MAF: variants seen among roughly 807,000 people sequenced by gnomAD.
The protein encoded by MAF is MAF bZIP transcription factor, also known as transcription factor Maf.
A neutral mutation model predicts 22.0 loss-of-function variants in MAF; 10 were observed. The observed-to-expected ratio is 0.45, with a 90% CI of 0.28 to 0.77. The LOEUF is 0.77. Ranked by LOEUF, MAF falls within the 30% of genes least tolerant of loss-of-function variation. The probability of loss-of-function intolerance (pLI) is 0.12; values close to 1 mark genes in which losing one functional copy is unlikely to be tolerated. For missense variants in MAF, 544 were observed against 548.4 expected, an observed-to-expected ratio of 0.99 and a Z score of 0.08; for synonymous variants, 337 against 255.8, an observed-to-expected ratio of 1.32 and a Z score of -3.03.
downstream of MAF, among the ~76,000 whole-genome samples, chr16:79,592,217 G>C (rs1205038733): frequency 6.6e-6 from 1 of 152,114 alleles, no homozygotes; most frequent in Admixed American, 6.5e-5. Flanking sequence ...GTTTAGTTTT[G>C]TTTTGTTTCT....
chr16:79,212,910 G>GAAAGAAAGAAA, the MAF span: 2 of 151,958 alleles, frequency 1.3e-5, 1 homozygote, highest in Non-Finnish European at 2.9e-5. Flanking sequence ...TTCTGTTAAA[G>GAAAGAAAGAAA]AAAGAAAAAA....
chr16:79,404,018 C>T, the MAF span, among the ~76,000 whole-genome samples: 12 of 152,248 alleles, frequency 7.9e-5, no homozygotes, highest in South Asian at 2.1e-3. Flanking sequence ...CCATGCATCA[C>T]CACGTATTTC....
the MAF span, among the ~76,000 whole-genome samples, chr16:79,321,645 CTTTTTT>C: frequency 1.1e-5 from 1 of 86,966 alleles, no homozygotes; most frequent in African/African-American, 4.1e-5. Flanking sequence ...TTTTCTTTTT[CTTTTTT>C]TTTTTTTTTT....
At chr16:79,529,679 G>T in the MAF span, among the ~76,000 whole-genome samples, 1 of 152,134 alleles carries the variant, frequency 6.6e-6, no homozygotes, top group Non-Finnish European at 1.5e-5. Flanking sequence ...TATTATTTTA[G>T]GCTGGGCGCG....
the MAF span, among the ~76,000 whole-genome samples, chr16:79,533,648 C>A: frequency 6.6e-6 from 1 of 152,074 alleles, no homozygotes; most frequent in Admixed American, 6.6e-5. Context: ...ATTCCAGAAA[C>A]TGAAGGAGAA....
chr16:79,296,783 T>C, the MAF span, among the ~76,000 whole-genome samples: 1 of 152,274 alleles, frequency 6.6e-6, no homozygotes, highest in East Asian at 1.9e-4. Flanking sequence ...ACACTCTGCC[T>C]ATTTTCTCTT....
chr16:79,517,028 A>AT, the MAF span, among the ~76,000 whole-genome samples: 31 of 149,288 alleles, frequency 2.1e-4, no homozygotes, highest in East Asian at 1.2e-3. Flanking sequence ...AAGTTTTTTT[A>AT]TTTTTTTTTT....
chr16:79,251,827 G>A, the MAF span, among the ~76,000 whole-genome samples: 1 of 152,160 alleles, frequency 6.6e-6, no homozygotes, highest in Non-Finnish European at 1.5e-5. Context: ...GGGTTTAGAC[G>A]TAATCTTCAT....
chr16:79,305,811 G>A, the MAF span, among the ~76,000 whole-genome samples: 19 of 152,146 alleles, frequency 1.2e-4, no homozygotes, highest in African/African-American at 3.6e-4. Context: ...TACGAAATAG[G>A]GATTCAAGGC....
the MAF span, among the ~76,000 whole-genome samples, chr16:79,389,008 C>A: frequency 2.0e-5 from 3 of 152,068 alleles, no homozygotes; most frequent in Non-Finnish European, 2.9e-5. Context: ...TTCCAGGGCA[C>A]GAAATATGAA....
the MAF span, among the ~76,000 whole-genome samples, chr16:79,437,630 G>A: frequency 1.3e-5 from 2 of 152,002 alleles, no homozygotes; most frequent in African/African-American, 2.4e-5. Flanking sequence ...GGACACCTCC[G>A]AGAGCTCATG....
the MAF span, among the ~76,000 whole-genome samples, chr16:79,341,686 T>C: frequency 6.6e-6 from 1 of 152,198 alleles, no homozygotes; most frequent in Non-Finnish European, 1.5e-5. Flanking sequence ...ATTTACATTT[T>C]AACAATATAA....
At chr16:79,350,209 T>A in the MAF span, among the ~76,000 whole-genome samples, 1 of 152,204 alleles carries the variant, frequency 6.6e-6, no homozygotes. Context: ...TCTATGGACC[T>A]AAACCAGCTA....
chr16:79,255,960 CTTTTCTTTTT>C, the MAF span, among the ~76,000 whole-genome samples: 1 of 133,908 alleles, frequency 7.5e-6, no homozygotes, highest in Non-Finnish European at 1.6e-5. Flanking sequence ...CTTTTCTTTT[CTTTTCTTTTT>C]TCTTTTCTTT....
the MAF span, chr16:79,212,154 G>A: frequency 6.6e-7 from 1 of 1,506,404 alleles, no homozygotes; most frequent in Non-Finnish European, 8.8e-7. Flanking sequence ...GTCCCATCCA[G>A]CTACCACCAC....
At chr16:79,232,775 C>T in the MAF span, among the ~76,000 whole-genome samples, 10,683 of 151,726 alleles carry the variant, frequency 0.07, 569 homozygotes, top group Middle Eastern at 0.15. Flanking sequence ...ATGCAGAAGT[C>T]CCTGAAATAA....
At chr16:79,204,219 G>C in the MAF span, 1 of 152,056 alleles carries the variant, frequency 6.6e-6, no homozygotes, top group Non-Finnish European at 1.5e-5. Flanking sequence ...GCATCAGAGG[G>C]AATGCCCAGG....
the MAF span, among the ~76,000 whole-genome samples, chr16:79,451,502 G>A: frequency 1.3e-5 from 2 of 152,108 alleles, no homozygotes; most frequent in Non-Finnish European, 2.9e-5. Flanking sequence ...AAGCATTTCT[G>A]GCTCTGCCTA....
At chr16:79,465,773 G>C in the MAF span, among the ~76,000 whole-genome samples, 1 of 152,104 alleles carries the variant, frequency 6.6e-6, no homozygotes, top group Non-Finnish European at 1.5e-5. Flanking sequence ...CCAGCAAAGA[G>C]GGAGCTGTAG....
Sources: allele counts gnomAD v4.1 joint callset (sites outside exome capture counted in the v4.1 genomes callset), GRCh38; gene constraint gnomAD v4.1.1; transcripts MANE v1.5; gene names NCBI Gene and HGNC (gene_info 2026-07-23, HGNC 2026-07-21).